SLC25A33: variants seen among roughly 807,000 people sequenced by gnomAD.
SLC25A33 encodes solute carrier family 25 member 33, also known as bone marrow stromal cell mitochondrial carrier protein.
SLC25A33 carries 15 observed loss-of-function variants against 35.5 expected under a neutral mutation model. The ratio of observed to expected loss-of-function variants is 0.42; its 90% CI spans 0.28 to 0.65. The LOEUF (loss-of-function observed/expected upper bound fraction) is 0.65, where lower values mean the gene tolerates loss of function less well. Among genes scored for constraint, SLC25A33 ranks in the 30% least tolerant of loss-of-function variants. SLC25A33 has a pLI of 0.20. For missense variants in SLC25A33, 257 were observed against 398.5 expected, an observed-to-expected ratio of 0.64 and a Z score of 3.02; for synonymous variants, 136 against 148.7, an observed-to-expected ratio of 0.91 and a Z score of 0.62.
intron 5 of SLC25A33, 52 bp from the exon 6 acceptor site, chr1:9,579,902 G>A (rs939546105): frequency 4.5e-5 from 70 of 1,570,578 alleles, no homozygotes; most frequent in Non-Finnish European, 6.0e-5. Context: ...TGATGTCTGT[G>A]TTCCACCATG....
chr1:9,582,199 C>T lies in SLC25A33; in HGVS notation c.764-100C>T. ...AAAGTTCTGGGATTACAGGTGTGAGCCACCGCACCCGGCCTAACCTTGACA... is the reference window on the plus strand; with the variant it reads ...AAAGTTCTGGGATTACAGGTGTGAGTCACCGCACCCGGCCTAACCTTGACA... On this transcript the variant is annotated intron_variant, in intron 6 of 6. Coordinates refer to ENST00000302692, the MANE Select transcript of SLC25A33 (RefSeq NM_032315.3). This position sits in a 1 kb window ranked among gnomAD's most constrained non-coding sequence, Gnocchi z 4.0. 7.7e-7 allele frequency: 1 copy of T among 1,304,854 alleles called. No homozygotes were observed. Among genetic ancestry groups the T allele is most frequent in the Admixed American group, 1.9e-5 (1 of 53,712 alleles). 80.8% of individuals were successfully genotyped at this position (1,304,854 alleles called of 1,614,324 possible).
At position 9,583,327 on chromosome 1, in the gene SLC25A33, A is replaced by T. The variant is rs957521182; in HGVS notation, c.*826A>T. 6.6e-6 allele frequency: 1 copy of T among 152,222 alleles called. No individual in the cohort carries two copies. Among genetic ancestry groups the T allele is most frequent in the Non-Finnish European group, 1.5e-5 (1 of 68,044 alleles). The allele number at this position is 152,222 out of a possible 1,614,324, so 9.4% of individuals were successfully genotyped here. On this transcript the variant is annotated 3_prime_UTR_variant, in exon 7 of 7. Coordinates refer to ENST00000302692, the MANE Select transcript of SLC25A33 (RefSeq NM_032315.3). ...CCAATTACTTGCAGATTGATCATCT[A>T]AGCGTTCAGACTGCTGAGATGAATA...
rs1427756633 is a variant in SLC25A33 at position 9,539,713 on chromosome 1, AAGG to A, written c.25_27del (p.Glu9del). On this transcript the variant is annotated inframe_deletion, in exon 1 of 7. Coordinates refer to ENST00000302692, the MANE Select transcript of SLC25A33 (RefSeq NM_032315.3). ...GGCCATGGCGACGGGCGGCCAGCAGAAGGAGAACACGCTGCTTCACCTCTTCGC... is the reference window on the plus strand; with the variant it reads ...GGCCATGGCGACGGGCGGCCAGCAGAAGAACACGCTGCTTCACCTCTTCGC... 76 of 1,402,842 alleles carry A rather than the reference AAGG, an allele frequency of 5.4e-5. No homozygotes were observed. Among genetic ancestry groups the A allele is most frequent in the Non-Finnish European group, 6.3e-5 (68 of 1,077,298 alleles). The allele number at this position is 1,402,842 out of a possible 1,614,324, so 86.9% of individuals were successfully genotyped here. A position where few individuals can be genotyped will look rare whatever the true frequency, so the allele number is the denominator to read the frequency against.
chr1:9,577,090 G>A, intron 5 of SLC25A33: 1 of 545,446 alleles, frequency 1.8e-6, no homozygotes, highest in Non-Finnish European at 3.2e-6. Flanking sequence ...GGGAAGAAAA[G>A]AATAGCCAGG....
In SLC25A33 at chr1:9,583,054, G is replaced by C. The variant is rs913273295; in HGVS notation, c.*553G>C. On this transcript the variant is annotated 3_prime_UTR_variant, in exon 7 of 7. Coordinates refer to ENST00000302692, the MANE Select transcript of SLC25A33 (RefSeq NM_032315.3). ...AGCCTGGCCAACATGGCGAAACCCT[G>C]TCTCTACTAAAAATACAAAAATTAG... is the stretch of plus-strand genomic sequence containing the variant. The C allele has an allele frequency of 3.3e-5, 5 of 152,296 alleles. No homozygotes were observed. Among genetic ancestry groups the C allele is most frequent in the Admixed American group, 6.5e-5 (1 of 15,274 alleles). 9.4% of individuals were successfully genotyped at this position (152,296 alleles called of 1,614,324 possible).
rs370967952 is a variant in SLC25A33 at position 9,566,174 on chromosome 1, G to A, written c.237-1110G>A. Among the ~76,000 whole-genome samples, 12 of 151,954 alleles carry A rather than the reference G, an allele frequency of 7.9e-5. No homozygotes were observed. In the East Asian group the frequency reaches 1.9e-3, roughly 25 times the overall value. On this transcript the variant is annotated intron_variant, in intron 2 of 6. Coordinates refer to ENST00000302692, the MANE Select transcript of SLC25A33 (RefSeq NM_032315.3). ...TTACCTCAGCCTCCTGAGTAGCTGG[G>A]ACCACAGGCACACACCACCACACCT...
chr1:9,570,413 G>T, intron 4 of SLC25A33, 55 bp downstream of exon 4: 1 of 1,428,364 alleles, frequency 7.0e-7, no homozygotes, highest in Non-Finnish European at 9.7e-7. Context: ...TCTAAAGCAT[G>T]CATTGTGCCA....
intron 2 of SLC25A33, among the ~76,000 whole-genome samples, chr1:9,554,602 G>A (rs1039611954): frequency 2.0e-5 from 3 of 151,592 alleles, no homozygotes; most frequent in Non-Finnish European, 2.9e-5. Flanking sequence ...CAGGTGATCC[G>A]CCTGCCTCAG....
chr1:9,557,649 C>T (rs181714543), intron 2 of SLC25A33, among the ~76,000 whole-genome samples: 109 of 152,264 alleles, frequency 7.2e-4, no homozygotes, highest in South Asian at 2.1e-3. Context: ...ATCTCTCAAA[C>T]GGATTCTTGG....
At chr1:9,555,907 A>T (rs1569852909) in intron 2 of SLC25A33, among the ~76,000 whole-genome samples, 1 of 151,842 alleles carries the variant, frequency 6.6e-6, no homozygotes, top group South Asian at 2.1e-4. Context: ...CTGGCCTTGA[A>T]CTCCTGACCT....
rs576234462 is a variant in SLC25A33, at chr1:9,584,473, C to T, written c.*1972C>T. The T allele has an allele frequency of 6.6e-6, 1 of 152,318 alleles. No homozygotes were observed. The highest frequency in any genetic ancestry group is 1.9e-4 in the East Asian group (1 of 5,200). The allele number at this position is 152,318 out of a possible 1,614,324, so 9.4% of individuals were successfully genotyped here. A position where few individuals can be genotyped will look rare whatever the true frequency, so the allele number is the denominator to read the frequency against. On this transcript the variant is annotated 3_prime_UTR_variant, in exon 7 of 7. Transcript: ENST00000302692. ...GGAGTGCAGTGGCACAATCTCGGCT[C>T]ACTACAGCCTCCACCTCCCGGTTTC...
At chr1:9,544,203 C>T (rs1374042593) in intron 1 of SLC25A33, among the ~76,000 whole-genome samples, 2 of 151,724 alleles carry the variant, frequency 1.3e-5, no homozygotes, top group Non-Finnish European at 2.9e-5. Flanking sequence ...GTATGGGCAG[C>T]TGTTGCCAGG....
intron 4 of SLC25A33, 104 bp downstream of exon 4, chr1:9,570,462 T>G (rs993435164): frequency 2.0e-6 from 2 of 980,994 alleles, no homozygotes; most frequent in Non-Finnish European, 3.1e-6. Flanking sequence ...TTGCTTCCTT[T>G]GCACCTAAAA....
chr1:9,564,738 AAATAT>A (rs1355171331), intron 2 of SLC25A33, among the ~76,000 whole-genome samples: 3 of 84,612 alleles, frequency 3.5e-5, no homozygotes, highest in African/African-American at 1.5e-4. Context: ...AAAAAAAAAA[AAATAT>A]ATATATATAT....
intron 1 of SLC25A33, among the ~76,000 whole-genome samples, chr1:9,545,457 G>A (rs1000899232): frequency 2.6e-5 from 4 of 152,116 alleles, no homozygotes; most frequent in South Asian, 2.1e-4. Flanking sequence ...GAGTGCAGTG[G>A]CGAGATCTTG....
In SLC25A33 at chr1:9,579,999, C is replaced by G. The variant is rs774187446; in HGVS notation, c.528C>G (p.Tyr176Ter). ...KQMNTLQCARYVYQTEGIRGF... is the reference protein window; with the variant it reads ...KQMNTLQCAR Reference sequence around the variant, plus strand: ...TGAATACACTCCAGTGTGCTCGTTACGTTTACCAGACCGAAGGCATTCGTG... The same window carrying G: ...TGAATACACTCCAGTGTGCTCGTTAGGTTTACCAGACCGAAGGCATTCGTG... The change falls in exon 6 of 7, where the codon TAC becomes TAG. Residue 176 changes from tyrosine (Y) to a stop codon, truncating the protein, a stop_gained. Transcript: ENST00000302692. LOFTEE classifies it high-confidence loss of function. The G allele has an allele frequency of 6.2e-7, 1 of 1,613,210 alleles. No individual in the cohort carries two copies. The highest frequency in any genetic ancestry group is 2.2e-5 in the East Asian group (1 of 44,902).
intron 2 of SLC25A33, among the ~76,000 whole-genome samples, chr1:9,565,095 G>A (rs867469247): frequency 3.9e-5 from 6 of 152,206 alleles, no homozygotes; most frequent in East Asian, 1.9e-4. Flanking sequence ...AGGGCCTGAC[G>A]GGAGGGAGGG....
intron 1 of SLC25A33, among the ~76,000 whole-genome samples, chr1:9,552,912 T>C (rs1643286400): frequency 1.2e-5 from 1 of 82,986 alleles, no homozygotes. Flanking sequence ...GATTTCAACT[T>C]TTTTTTTTTT....
chr1:9,559,391 G>C (rs1179283058), intron 2 of SLC25A33, among the ~76,000 whole-genome samples: 1 of 152,108 alleles, frequency 6.6e-6, no homozygotes, highest in East Asian at 1.9e-4. Context: ...GTTTTGGCAT[G>C]TCAGGAAGAT....
Sources: allele counts gnomAD v4.1 joint callset (sites outside exome capture counted in the v4.1 genomes callset), GRCh38; gene constraint gnomAD v4.1.1; non-coding constraint Gnocchi (gnomAD v3.1); transcripts MANE v1.5; gene names NCBI Gene and HGNC (gene_info 2026-07-23, HGNC 2026-07-21).